Variants in RAF1 observed in about 807,000 individuals in gnomAD.
RAF1 encodes RAF proto-oncogene serine/threonine-protein kinase.
In RAF1, 27 loss-of-function variants were observed where a neutral mutation model predicts 81.1. The observed-to-expected ratio is 0.33, with a 90% confidence interval of 0.25 to 0.46. The LOEUF (loss-of-function observed/expected upper bound fraction) is 0.46. Among genes scored for constraint, RAF1 ranks in the 20% least tolerant of loss-of-function variants. The pLI, the probability that RAF1 is intolerant of heterozygous loss-of-function variation, is 1.00. For missense variants in RAF1, 598 were observed against 826.0 expected (o/e 0.72, Z 3.38); for synonymous variants, 298 against 294.0 (o/e 1.01, Z -0.14).
At chr3:12,617,738 C>T (rs1177319773) in intron 2 of RAF1, among the ~76,000 whole-genome samples, 2 of 151,702 alleles carry the variant, frequency 1.3e-5, no homozygotes, top group African/African-American at 2.4e-5. Context: ...ATACAAAAAA[C>T]AAAAATCAGC....
rs747246605 is a variant in RAF1 at position 12,599,672 on chromosome 3, G to C, written c.1168+19C>G. 6.3e-7 allele frequency: 1 copy of C among 1,592,048 alleles called. No individual in the cohort carries two copies. On this transcript the variant is annotated intron_variant, in intron 11 of 17. Transcript: ENST00000442415. ...ACACCAAAGCCCTGCAGTTAGTAAA[G>C]GGAGGGCCCCAAGCTTACCGTGCCA...
At chr3:12,646,803 C>A (rs1035758140) in intron 1 of RAF1, among the ~76,000 whole-genome samples, 1 of 151,688 alleles carries the variant, frequency 6.6e-6, no homozygotes, top group East Asian at 2.0e-4. Flanking sequence ...CCTGCCTCAG[C>A]CTCCCAAAAC....
At chr3:12,627,108 CTTTAAACAT>C (rs1305354984) in intron 1 of RAF1, among the ~76,000 whole-genome samples, 1 of 151,744 alleles carries the variant, frequency 6.6e-6, no homozygotes, top group African/African-American at 2.4e-5. Context: ...AGTTCCCAGG[CTTTAAACAT>C]TTATTTGGTA....
intron 1 of RAF1, among the ~76,000 whole-genome samples, chr3:12,643,099 C>T (rs1416923311): frequency 1.3e-5 from 2 of 152,084 alleles, no homozygotes; most frequent in Non-Finnish European, 2.9e-5. Context: ...ACTGGTAAGG[C>T]AAGACACAAC....
In RAF1 at chr3:12,584,443, A is replaced by G. The variant is rs1050852951; in HGVS notation, c.*71T>C. ...AAACATGTGTTCTGCCTCTGGAGAAAGGGAGCAGAAAAGTGGTGCCTGCTG... is the reference window on the plus strand; with the variant it reads ...AAACATGTGTTCTGCCTCTGGAGAAGGGGAGCAGAAAAGTGGTGCCTGCTG... On this transcript the variant is annotated 3_prime_UTR_variant, in exon 18 of 18. Transcript: ENST00000442415. 3.8e-6 allele frequency: 6 copies of G among 1,585,972 alleles called. No homozygotes were observed. Among genetic ancestry groups the G allele is most frequent in the African/African-American group, 2.7e-5 (2 of 74,270 alleles).
intron 1 of RAF1, among the ~76,000 whole-genome samples, chr3:12,640,500 A>C (rs918911949): frequency 3.9e-5 from 6 of 152,202 alleles, no homozygotes; most frequent in Non-Finnish European, 7.3e-5. Flanking sequence ...AGCATCTACA[A>C]AGAACTTAAA....
chr3:12,639,040 G>C (rs2060109876), intron 1 of RAF1, among the ~76,000 whole-genome samples: 1 of 62,302 alleles, frequency 1.6e-5, no homozygotes, highest in Non-Finnish European at 3.0e-5. Context: ...ATGTGCTGCT[G>C]GATCAAGCTG....
At chr3:12,607,857 A>G (rs1448136576) in intron 5 of RAF1, among the ~76,000 whole-genome samples, 1 of 147,066 alleles carries the variant, frequency 6.8e-6, no homozygotes, top group Non-Finnish European at 1.5e-5. Flanking sequence ...AGGCTGAGGC[A>G]GGAGAATCAC....
intron 1 of RAF1, among the ~76,000 whole-genome samples, chr3:12,650,952 T>A (rs991121731): frequency 6.6e-6 from 1 of 152,170 alleles, no homozygotes; most frequent in African/African-American, 2.4e-5. Flanking sequence ...TTCAACAGAC[T>A]AACGCAGAGG....
At chr3:12,643,882 TGATAAA>T (rs1348111227) in intron 1 of RAF1, among the ~76,000 whole-genome samples, 1 of 152,224 alleles carries the variant, frequency 6.6e-6, no homozygotes, top group Non-Finnish European at 1.5e-5. Flanking sequence ...TATAGGGTTG[TGATAAA>T]GGCATTTTCA....
At chr3:12,654,150 C>A (rs919839703) in intron 1 of RAF1, among the ~76,000 whole-genome samples, 2 of 125,858 alleles carry the variant, frequency 1.6e-5, no homozygotes, top group African/African-American at 6.4e-5. Flanking sequence ...TACCACATGC[C>A]TGACTAGTTT....
chr3:12,664,002 C>G lies in RAF1; in HGVS notation c.-216G>C, dbSNP rs2060970947. 5.0e-6 allele frequency: 2 copies of G among 398,490 alleles called. No individual in the cohort carries two copies. The highest frequency in any genetic ancestry group is 3.6e-5 in the East Asian group (1 of 28,080). The allele number at this position is 398,490 out of a possible 1,614,324, so 24.7% of individuals were successfully genotyped here. On this transcript the variant is annotated 5_prime_UTR_variant, in exon 1 of 18. Coordinates refer to ENST00000442415, the MANE Select transcript of RAF1 (RefSeq NM_001354689.3). Reference sequence around the variant, plus strand: ...GCGCCTCAGGGCACGCGCCCCAAAGCCCGGCCAGCTGACCCTTTTCGGGGC... The same window carrying G: ...GCGCCTCAGGGCACGCGCCCCAAAGGCCGGCCAGCTGACCCTTTTCGGGGC...
intron 10 of RAF1, 121 bp from the exon 10 acceptor site, chr3:12,599,929 A>C (rs746787411): frequency 7.6e-6 from 9 of 1,184,512 alleles, no homozygotes; most frequent in Non-Finnish European, 1.0e-5. Context: ...AAACATATTA[A>C]CCATACTTCC....
At chr3:12,616,547 C>G (rs2059373943) in intron 2 of RAF1, among the ~76,000 whole-genome samples, 1 of 152,180 alleles carries the variant, frequency 6.6e-6, no homozygotes, top group Non-Finnish European at 1.5e-5. Flanking sequence ...CTTACTCAAA[C>G]TTTAATTAAA....
intron 1 of RAF1, among the ~76,000 whole-genome samples, chr3:12,651,151 C>T (rs991524412): frequency 6.6e-6 from 1 of 152,144 alleles, no homozygotes; most frequent in Non-Finnish European, 1.5e-5. Context: ...AATGTTTACC[C>T]TGCTTTTTTT....
At chr3:12,653,992 CTTT>C (rs57322131) in intron 1 of RAF1, among the ~76,000 whole-genome samples, 4 of 141,674 alleles carry the variant, frequency 2.8e-5, no homozygotes, top group Admixed American at 7.1e-5. Context: ...TTTTCTTTTT[CTTT>C]TTTTTTTTTT....
intron 1 of RAF1, among the ~76,000 whole-genome samples, chr3:12,662,192 A>G (rs898948800): frequency 4.0e-5 from 6 of 150,850 alleles, no homozygotes; most frequent in African/African-American, 1.5e-4. Context: ...TTAATTAGCC[A>G]TGTGTGGTGG....
At chr3:12,590,679 C>G in intron 13 of RAF1, 119 bp downstream of exon 12, 2 of 1,198,460 alleles carry the variant, frequency 1.7e-6, no homozygotes, top group South Asian at 2.5e-5. Flanking sequence ...AGGCCAGAGG[C>G]TTGTGCAAAG....
Position 12,604,184 on chromosome 3 carries a change from A to G in RAF1, c.786T>C (p.Asn262=). 3 of 1,614,180 alleles carry G rather than the reference A, an allele frequency of 1.9e-6. No homozygotes were observed. Among genetic ancestry groups the G allele is most frequent in the South Asian group, 2.2e-5 (2 of 91,080 alleles). ...GCAGGGTGGTGCTGACCATGTGGAC[A>G]TTAGGTGTGGATGTCGACCTCTGCC... The change falls in exon 7 of 18, where the codon AAT becomes AAC. Residue 262 remains asparagine (N), a synonymous_variant. Coordinates refer to ENST00000442415, the MANE Select transcript of RAF1 (RefSeq NM_001354689.3).
Sources: allele counts gnomAD v4.1 joint callset (sites outside exome capture counted in the v4.1 genomes callset), GRCh38; gene constraint gnomAD v4.1.1; transcripts MANE v1.5; gene names NCBI Gene and HGNC (gene_info 2026-07-23, HGNC 2026-07-21).